ATRNL1: variants seen among roughly 807,000 people sequenced by gnomAD.
ATRNL1 encodes the protein attractin like 1, also known as attractin-like protein 1.
ATRNL1 carries 95 observed loss-of-function variants against 182.7 expected under a neutral mutation model. The ratio of observed to expected loss-of-function variants is 0.52; its 90% CI spans 0.44 to 0.62. The LOEUF (loss-of-function observed/expected upper bound fraction) is 0.62. Ranked by LOEUF, ATRNL1 falls within the 20% of genes least tolerant of loss-of-function variation. ATRNL1 has a pLI of 0.00. For missense variants in ATRNL1, 1,471 were observed against 1,679.5 expected (o/e 0.88, Z 2.17); for synonymous variants, 576 against 568.3 (o/e 1.01, Z -0.19).
chr10:115,827,693 G>A (rs1324830448), intron 27 of ATRNL1, among the ~76,000 whole-genome samples: 2 of 152,180 alleles, frequency 1.3e-5, no homozygotes, highest in Non-Finnish European at 2.9e-5. Context: ...GATGAGAGCT[G>A]CCTTGTCAAC....
At chr10:115,860,939 C>T (rs1431339022) in intron 28 of ATRNL1, among the ~76,000 whole-genome samples, 1 of 152,182 alleles carries the variant, frequency 6.6e-6, no homozygotes, top group African/African-American at 2.4e-5. Flanking sequence ...CACTCCCAGT[C>T]CTTCCATCTG....
intron 15 of ATRNL1, among the ~76,000 whole-genome samples, chr10:115,287,826 T>TC (rs1405578532): frequency 1.3e-5 from 2 of 152,100 alleles, no homozygotes; most frequent in East Asian, 3.9e-4. Context: ...GCTGTAATTT[T>TC]CAATCCTTTA....
chr10:115,844,539 A>G (rs1950885052), intron 27 of ATRNL1, among the ~76,000 whole-genome samples: 1 of 152,078 alleles, frequency 6.6e-6, no homozygotes, highest in South Asian at 2.1e-4. Flanking sequence ...GTAATAGCTG[A>G]AAAATAGAAA....
intron 24 of ATRNL1, among the ~76,000 whole-genome samples, chr10:115,500,959 G>A (rs530448101): frequency 2.4e-4 from 24 of 98,004 alleles, no homozygotes; most frequent in South Asian, 6.3e-4. Flanking sequence ...ATAGAGTTTC[G>A]TTCTTGTCGC....
intron 8 of ATRNL1, among the ~76,000 whole-genome samples, chr10:115,194,873 GT>G (rs1848301627): frequency 1.3e-5 from 2 of 148,532 alleles, no homozygotes; most frequent in Admixed American, 6.7e-5. Context: ...TTGTTTTGTG[GT>G]TACCATGAGG....
chr10:115,196,904 G>A (rs1848384187), intron 8 of ATRNL1, among the ~76,000 whole-genome samples: 1 of 151,868 alleles, frequency 6.6e-6, no homozygotes, highest in Non-Finnish European at 1.5e-5. Context: ...AATTTTCTTT[G>A]TCTTGTATTT....
intron 21 of ATRNL1, among the ~76,000 whole-genome samples, chr10:115,438,912 G>A (rs1846534020): frequency 6.6e-6 from 1 of 151,874 alleles, no homozygotes; most frequent in Admixed American, 6.6e-5. Flanking sequence ...AACCCCGCAT[G>A]TAGTCGAAAA....
At chr10:115,094,110 C>G in intron 1 of ATRNL1, 67 bp downstream of exon 1, 2 of 1,290,546 alleles carry the variant, frequency 1.5e-6, no homozygotes, top group South Asian at 4.4e-5. Flanking sequence ...TTCCCCGCCC[C>G]CCTCGCGGCC....
intron 27 of ATRNL1, among the ~76,000 whole-genome samples, chr10:115,756,083 GTCTA>G (rs1478943768): frequency 2.6e-5 from 4 of 152,082 alleles, no homozygotes; most frequent in Admixed American, 2.0e-4. Context: ...CTGGCTAGAG[GTCTA>G]TCTATTTCGT....
chr10:115,350,419 A>C (rs1856193341), intron 19 of ATRNL1, among the ~76,000 whole-genome samples: 1 of 149,686 alleles, frequency 6.7e-6, no homozygotes. Flanking sequence ...CTTACATTTA[A>C]GTTTTAAATC....
At chr10:115,735,264 T>C (rs1436909972) in intron 27 of ATRNL1, among the ~76,000 whole-genome samples, 1 of 152,162 alleles carries the variant, frequency 6.6e-6, no homozygotes, top group African/African-American at 2.4e-5. Context: ...AGTTTCAGTA[T>C]CCTCTTATTG....
chr10:115,437,274 C>A (rs1280048127), intron 21 of ATRNL1, among the ~76,000 whole-genome samples: 1 of 151,938 alleles, frequency 6.6e-6, no homozygotes, highest in Non-Finnish European at 1.5e-5. Flanking sequence ...CAATGCTATG[C>A]TTTATAGAAC....
At chr10:115,937,267 G>A (rs181074671) in intron 28 of ATRNL1, among the ~76,000 whole-genome samples, 33 of 152,286 alleles carry the variant, frequency 2.2e-4, no homozygotes, top group African/African-American at 6.7e-4. Flanking sequence ...TATGTTAAAG[G>A]CCAGGCAAAA....
chr10:115,743,567 G>T (rs1245929612), intron 27 of ATRNL1, among the ~76,000 whole-genome samples: 1 of 152,144 alleles, frequency 6.6e-6, no homozygotes, highest in Non-Finnish European at 1.5e-5. Context: ...TTATGTAGGA[G>T]CACAGTCCCT....
rs944028813 is a variant in ATRNL1 at position 115,948,413 on chromosome 10, C to G, written c.*3634C>G. 2.6e-5 allele frequency: 4 copies of G among 152,176 alleles called. No homozygotes were observed. The highest frequency in any genetic ancestry group is 6.5e-5 in the Admixed American group (1 of 15,282). The allele number at this position is 152,176 out of a possible 1,614,324, so 9.4% of individuals were successfully genotyped here. On this transcript the variant is annotated 3_prime_UTR_variant, in exon 29 of 29. Coordinates refer to ENST00000355044, the MANE Select transcript of ATRNL1 (RefSeq NM_207303.4). Reference sequence around the variant, plus strand: ...GACCAAATGAACTAATTCTACCCACCTATGGTCTTTTTAAATGTCGAGTTT... The same window carrying G: ...GACCAAATGAACTAATTCTACCCACGTATGGTCTTTTTAAATGTCGAGTTT...
At chr10:115,835,515 A>G (rs918229645) in intron 27 of ATRNL1, among the ~76,000 whole-genome samples, 1 of 152,216 alleles carries the variant, frequency 6.6e-6, no homozygotes, top group Non-Finnish European at 1.5e-5. Context: ...AAGCACTCAT[A>G]TGGGAGAATT....
intron 19 of ATRNL1, among the ~76,000 whole-genome samples, chr10:115,354,817 A>G (rs1856431655): frequency 6.6e-6 from 1 of 151,980 alleles, no homozygotes. Flanking sequence ...AAGACCAGTG[A>G]CTCTTAGATT....
intron 28 of ATRNL1, among the ~76,000 whole-genome samples, chr10:115,854,577 T>A (rs2134374256): frequency 6.6e-6 from 1 of 152,340 alleles, no homozygotes; most frequent in East Asian, 1.9e-4. Flanking sequence ...TCTCACCTGC[T>A]GAGCAGCAGC....
At chr10:115,338,380 C>G (rs1193996579) in intron 19 of ATRNL1, among the ~76,000 whole-genome samples, 1 of 152,140 alleles carries the variant, frequency 6.6e-6, no homozygotes, top group Non-Finnish European at 1.5e-5. Flanking sequence ...CTGTTTTCTC[C>G]ACATCCTCAC....
Sources: allele counts gnomAD v4.1 joint callset (sites outside exome capture counted in the v4.1 genomes callset), GRCh38; gene constraint gnomAD v4.1.1; transcripts MANE v1.5; gene names NCBI Gene and HGNC (gene_info 2026-07-23, HGNC 2026-07-21).